Variants in UBALD1 observed in about 807,000 individuals in gnomAD.
The protein encoded by UBALD1 is UBA like domain containing 1, also known as UBA-like domain-containing protein 1.
UBALD1 carries 5 observed loss-of-function variants against 16.1 expected under a neutral mutation model. The ratio of observed to expected loss-of-function variants is 0.31; its 90% confidence interval spans 0.16 to 0.66. UBALD1 has a LOEUF of 0.66. UBALD1 is among the 30% of genes least tolerant of loss of function. UBALD1 has a pLI of 0.77. For synonymous variants in UBALD1, 146 were observed against 105.3 expected, an observed-to-expected ratio of 1.39 and a Z score of -2.37; for missense variants, 220 against 252.8, an observed-to-expected ratio of 0.87 and a Z score of 0.88.
At chr16:4,610,122 G>A (rs1173455441) in intron 2 of UBALD1, 139 bp from the exon 3 acceptor site, 22 of 788,614 alleles carry the variant, frequency 2.8e-5, no homozygotes, top group Admixed American at 4.0e-5. Flanking sequence ...CCTGTCCGCC[G>A]CCCAGGGGTT....
At chr16:4,614,605 C>T in intron 1 of UBALD1, 73 bp downstream of exon 1, 5 of 1,288,672 alleles carry the variant, frequency 3.9e-6, no homozygotes, top group South Asian at 2.6e-5. Flanking sequence ...ACGCCGTCCG[C>T]CCCCGCCCGG....
At position 4,614,791 on chromosome 16, in the gene UBALD1, C is replaced by T. The variant is rs142976418; in HGVS notation, c.7G>A (p.Val3Met). ...TGGTGCTTGAGCTCGTCCATGTTCA[C>T]GGACATGGCGCCGCCGCGCTGCCCG... MS[V>M]NMDELKHQVM... is the part of the protein sequence containing the mutation. The change falls in exon 1 of 3, where the codon GTG becomes ATG. Residue 3 changes from valine to methionine, a missense_variant. Physicochemically the swap from Val to Met is conservative, Grantham distance 21. Coordinates refer to ENST00000283474, the MANE Select transcript of UBALD1 (RefSeq NM_145253.3). 7.1e-4 allele frequency: 1,064 copies of T among 1,509,166 alleles called. 7 individuals are homozygous for T. The African/African-American group carries it at 0.013, about 18-fold the overall frequency. 93.5% of individuals were successfully genotyped at this position (1,509,166 alleles called of 1,614,324 possible).
At position 4,610,046 on chromosome 16, in the gene UBALD1, C is replaced by T. The variant is rs1400823046; in HGVS notation, c.184-63G>A. On this transcript the variant is annotated intron_variant, in intron 2 of 2. Coordinates refer to ENST00000283474, the MANE Select transcript of UBALD1 (RefSeq NM_145253.3). ...CTTCCTGGAGGGGCCCCCACTGCCT[C>T]CCAAGGGGAGATGCGTGGCTGGCCC... The T allele has an allele frequency of 2.3e-6, 3 of 1,277,714 alleles. No individual in the cohort carries two copies. In the South Asian group the frequency reaches 3.8e-5, roughly 16 times the overall value. The allele number at this position is 1,277,714 out of a possible 1,614,324, so 79.1% of individuals were successfully genotyped here.
chr16:4,611,755 G>C (rs951447757), intron 1 of UBALD1, among the ~76,000 whole-genome samples: 1 of 152,216 alleles, frequency 6.6e-6, no homozygotes, highest in African/African-American at 2.4e-5. Context: ...GGAGGCGCTG[G>C]GATTTGCTAT....
intron 1 of UBALD1, among the ~76,000 whole-genome samples, chr16:4,612,310 C>T (rs1185349008): frequency 6.6e-6 from 1 of 152,150 alleles, no homozygotes; most frequent in Admixed American, 6.5e-5. Flanking sequence ...GATCCGCCCA[C>T]CTTGGCCTCC....
rs539808451 is a variant in UBALD1, at chr16:4,609,250, C to T, written c.*383G>A. On this transcript the variant is annotated 3_prime_UTR_variant, in exon 3 of 3. Transcript: ENST00000283474. ...GCTCTGCATTCCCTAGGGTGGGGGT[C>T]GAGGCCTGCCGGCCCCCAAGGAGCT... 4.7e-5 allele frequency: 9 copies of T among 193,294 alleles called. No individual in the cohort carries two copies. Among genetic ancestry groups the T allele is most frequent in the East Asian group, 3.6e-4 (3 of 8,332 alleles). 12.0% of individuals were successfully genotyped at this position (193,294 alleles called of 1,614,324 possible). A position where few individuals can be genotyped will look rare whatever the true frequency, so the allele number is the denominator to read the frequency against.
At chr16:4,610,904 C>T (rs542955313) in intron 1 of UBALD1, 40 of 419,208 alleles carry the variant, frequency 9.5e-5, no homozygotes, top group African/African-American at 7.4e-4. Context: ...GGGGGAAAGG[C>T]GCCCGGCCCC....
Position 4,614,747 on chromosome 16 carries a change from G to A in UBALD1, c.51C>T (p.Phe17=). The change falls in exon 1 of 3, where the codon TTC becomes TTT. Residue 17 remains phenylalanine (F), a synonymous_variant. Transcript: ENST00000283474. ...ELKHQVMINQ[F]VLTAGCAADQ... ...CGGCCGCGCAGCCCGCCGTCAGCAC[G>A]AACTGGTTGATCATGACCTGGTGCT... 6.4e-7 allele frequency: 1 copy of A among 1,560,710 alleles called. No homozygotes were observed. The highest frequency in any genetic ancestry group is 1.2e-5 in the South Asian group (1 of 85,942).
intron 1 of UBALD1, among the ~76,000 whole-genome samples, chr16:4,613,179 A>T (rs1243658023): frequency 6.6e-6 from 1 of 152,082 alleles, no homozygotes; most frequent in African/African-American, 2.4e-5. Flanking sequence ...AGCCCCTGAC[A>T]CAAACAGGGC....
rs144958752 is a variant in UBALD1, at chr16:4,609,936, G to C, written c.231C>G (p.Asp77Glu). Residue 77 changes from aspartate (D) to glutamate (E), a missense_variant, in exon 3 of 3, where the codon GAC (aspartate) becomes GAG (glutamate). Physicochemically the swap from Asp to Glu is conservative, Grantham distance 45 (BLOSUM62 2). Coordinates refer to ENST00000283474, the MANE Select transcript of UBALD1 (RefSeq NM_145253.3). ...NTPATPPNFP[D>E]ALTMFSRLKA... Reference sequence around the variant, plus strand: ...TGAGACGGGAGAACATGGTGAGAGCGTCAGGGAAGTTGGGGGGTGTAGCAG... The same window carrying C: ...TGAGACGGGAGAACATGGTGAGAGCCTCAGGGAAGTTGGGGGGTGTAGCAG... The C allele has an allele frequency of 4.4e-6, 7 of 1,598,838 alleles. No homozygotes were observed. Among genetic ancestry groups the C allele is most frequent in the Non-Finnish European group, 4.3e-6 (5 of 1,172,216 alleles).
At chr16:4,610,279 G>A in intron 2 of UBALD1, 1 of 716,244 alleles carries the variant, frequency 1.4e-6, no homozygotes, top group East Asian at 2.7e-5. Flanking sequence ...CATTGCCCCA[G>A]AGGCCAGCGC....
At chr16:4,613,751 G>A (rs1423971109) in intron 1 of UBALD1, among the ~76,000 whole-genome samples, 1 of 152,168 alleles carries the variant, frequency 6.6e-6, no homozygotes, top group Non-Finnish European at 1.5e-5. Flanking sequence ...GGTAGCCTCT[G>A]GGCAGCACAA....
At chr16:4,612,596 G>C (rs556908968) in intron 1 of UBALD1, among the ~76,000 whole-genome samples, 77 of 152,124 alleles carry the variant, frequency 5.1e-4, no homozygotes, top group Non-Finnish European at 9.6e-4. Flanking sequence ...AGGCCGCTGT[G>C]AGCATTCTCC....
chr16:4,609,587 C>T lies in UBALD1; in HGVS notation c.*46G>A. The T allele has an allele frequency of 1.1e-6, 1 of 886,694 alleles. No individual in the cohort carries two copies. The highest frequency in any genetic ancestry group is 1.6e-6 in the Non-Finnish European group (1 of 633,328). 54.9% of individuals were successfully genotyped at this position (886,694 alleles called of 1,614,324 possible). A position where few individuals can be genotyped will look rare whatever the true frequency, so the allele number is the denominator to read the frequency against. Reference sequence around the variant, plus strand: ...GGGGGCCCGCAGAGACGTCCTCTCCCCCGCCCCACGGGGTCCTGGCCTCCG... The same window carrying T: ...GGGGGCCCGCAGAGACGTCCTCTCCTCCGCCCCACGGGGTCCTGGCCTCCG... On this transcript the variant is annotated 3_prime_UTR_variant, in exon 3 of 3. Transcript: ENST00000283474.
chr16:4,613,184 CAG>C (rs1225781349), intron 1 of UBALD1, among the ~76,000 whole-genome samples: 2 of 152,126 alleles, frequency 1.3e-5, no homozygotes, highest in Admixed American at 6.5e-5. Context: ...CTGACACAAA[CAG>C]GGCTGATGAG....
Position 4,614,772 on chromosome 16 carries a change from T to C in UBALD1, c.26A>G (p.Lys9Arg), listed in dbSNP as rs1596548423. ...GAACTGGTTGATCATGACCTGGTGC[T>C]TGAGCTCGTCCATGTTCACGGACAT... The part of the protein sequence containing the change: MSVNMDEL[K>R]HQVMINQFVL... The change falls in exon 1 of 3, where the codon AAG becomes AGG. Residue 9 changes from lysine (K) to arginine (R), a missense_variant. Physicochemically the swap from Lys to Arg is conservative, Grantham distance 26. Coordinates refer to ENST00000283474, the MANE Select transcript of UBALD1 (RefSeq NM_145253.3). 1 of 1,542,922 alleles carries C rather than the reference T, an allele frequency of 6.5e-7. No homozygotes were observed. Among genetic ancestry groups the C allele is most frequent in the Non-Finnish European group, 8.7e-7 (1 of 1,146,674 alleles).
At position 4,609,724 on chromosome 16, in the gene UBALD1, G is replaced by T. The variant is rs1182417476; in HGVS notation, c.443C>A (p.Pro148His). 6.7e-7 allele frequency: 1 copy of T among 1,487,246 alleles called. No individual in the cohort carries two copies. The highest frequency in any genetic ancestry group is 8.9e-7 in the Non-Finnish European group (1 of 1,121,122). The allele number at this position is 1,487,246 out of a possible 1,614,324, so 92.1% of individuals were successfully genotyped here. The change falls in exon 3 of 3, where the codon CCC becomes CAC. Residue 148 changes from proline (P) to histidine (H), a missense_variant. Transcript: ENST00000283474. The part of the protein sequence containing the change: ...QPQPPLWTPT[P>H]PSPASDWPPL... ...TGGCCAGTCTGAAGCCGGAGAAGGG[G>T]GTGTTGGAGTCCACAGGGGCGGCTG... is the stretch of plus-strand genomic sequence containing the variant.
rs1214855299 is a variant in UBALD1 at position 4,609,326 on chromosome 16, CCTGGG to C, written c.*302_*306del. 50 of 297,276 alleles carry C rather than the reference CCTGGG, an allele frequency of 1.7e-4. 1 individual carries two copies. The highest frequency in any genetic ancestry group is 6.5e-5 in the African/African-American group (3 of 46,276). 18.4% of individuals were successfully genotyped at this position (297,276 alleles called of 1,614,324 possible). A position where few individuals can be genotyped will look rare whatever the true frequency, so the allele number is the denominator to read the frequency against. ...TGCCAGGGTGGTCCTCCACGGCACCCCTGGGCTGGGCTGGGCAGGTGCGTCTTCGA... is the reference window on the plus strand; with the variant it reads ...TGCCAGGGTGGTCCTCCACGGCACCCCTGGGCTGGGCAGGTGCGTCTTCGA... On this transcript the variant is annotated 3_prime_UTR_variant, in exon 3 of 3. Coordinates refer to ENST00000283474, the MANE Select transcript of UBALD1 (RefSeq NM_145253.3).
At position 4,609,850 on chromosome 16, in the gene UBALD1, G is replaced by A; in HGVS notation, c.317C>T (p.Ser106Leu). Residue 106 changes from serine (S) to leucine (L), a missense_variant, in exon 3 of 3, where the codon TCA becomes TTA. Physicochemically the swap from Ser to Leu is moderately radical, Grantham distance 145. Around this residue, in one of 2 missense-constraint regions of UBALD1, gnomAD observed 151 missense variants for 132.6 expected, o/e 1.14. Coordinates refer to ENST00000283474, the MANE Select transcript of UBALD1 (RefSeq NM_145253.3). The stretch of plus-strand genomic sequence containing the variant: ...GGCATGGGGGAAGTGTGGCGGGGGT[G>A]ACGTGGCTGTCGCGGCCATCGGGCT... The part of the protein sequence containing the change: ...SGSPMAATAT[S>L]PPPHFPHAAT... 1 of 1,515,786 alleles carries A rather than the reference G, an allele frequency of 6.6e-7. No homozygotes were observed. The highest frequency in any genetic ancestry group is 8.8e-7 in the Non-Finnish European group (1 of 1,131,586). 93.9% of individuals were successfully genotyped at this position (1,515,786 alleles called of 1,614,324 possible).
Sources: gnomAD v4.1 joint callset for allele counts (sites outside exome capture counted in the v4.1 genomes callset) on GRCh38, gnomAD v4.1.1 for gene constraint, gnomAD v4.1.1 regional missense constraint, MANE v1.5 for transcripts, NCBI Gene and HGNC (gene_info 2026-07-23, HGNC 2026-07-21) for gene names.